KANK1: variants seen among roughly 807,000 people sequenced by gnomAD.
KANK1 encodes the protein KN motif and ankyrin repeat domain-containing protein 1.
KANK1 carries 109 observed loss-of-function variants against 106.2 expected under a neutral mutation model. The observed-to-expected ratio is 1.03, with a 90% CI of 0.88 to 1.20. KANK1 has a LOEUF of 1.20. KANK1 is among the 50% of genes most tolerant of loss of function. KANK1 has a pLI of 0.00. For synonymous variants in KANK1, 873 were observed against 652.2 expected (o/e 1.34, Z -5.16); for missense variants, 2,399 against 1,710.7 (o/e 1.40, Z -7.10).
At chr9:487,648 G>A (rs2058315562) in intron 3 of KANK1, 1 of 152,166 alleles carries the variant, frequency 6.6e-6, no homozygotes, top group South Asian at 2.1e-4. Context: ...AAATCAATGA[G>A]TCATCAATAG....
chr9:505,680 T>C (rs528580675), intron 1 of KANK1, among the ~76,000 whole-genome samples: 91 of 152,304 alleles, frequency 6.0e-4, no homozygotes, highest in African/African-American at 2.1e-3. Flanking sequence ...GTTAACAATT[T>C]ATGGCGTCCG....
At chr9:581,830 C>G (rs1339633518) in intron 1 of KANK1, among the ~76,000 whole-genome samples, 1 of 152,110 alleles carries the variant, frequency 6.6e-6, no homozygotes, top group African/African-American at 2.4e-5. Flanking sequence ...AGGGAGGGTG[C>G]TTTGTCAGCA....
chr9:497,789 G>T (rs1209560782), intron 3 of KANK1, among the ~76,000 whole-genome samples: 1 of 151,774 alleles, frequency 6.6e-6, no homozygotes, highest in Non-Finnish European at 1.5e-5. Flanking sequence ...GGAGGTCAAG[G>T]GTGCAGTGAG....
At chr9:577,820 G>C (rs1021261525) in intron 1 of KANK1, among the ~76,000 whole-genome samples, 1 of 152,202 alleles carries the variant, frequency 6.6e-6, no homozygotes, top group African/African-American at 2.4e-5. Context: ...TTACGCATGA[G>C]AAGTAGGATT....
chr9:553,429 G>A (rs1415049694), intron 1 of KANK1, among the ~76,000 whole-genome samples: 4 of 152,136 alleles, frequency 2.6e-5, no homozygotes, highest in Non-Finnish European at 5.9e-5. Context: ...GGGAAACTGA[G>A]GCTTAAAGTG....
intron 1 of KANK1, among the ~76,000 whole-genome samples, chr9:513,026 T>G (rs892909244): frequency 6.6e-6 from 1 of 152,216 alleles, no homozygotes; most frequent in Non-Finnish European, 1.5e-5. Flanking sequence ...GGGAGGGACA[T>G]GGCAGAAAAG....
At chr9:692,100 A>AAT (rs1461851922) in intron 2 of KANK1, among the ~76,000 whole-genome samples, 1 of 69,418 alleles carries the variant, frequency 1.4e-5, no homozygotes, top group Non-Finnish European at 3.6e-5. Flanking sequence ...TAAAATTCAA[A>AAT]ACGGGACAGC....
At position 483,409 on chromosome 9, in the gene KANK1, G is replaced by C. The variant is rs183793146; in HGVS notation, c.-362+10136G>C. ...AATCAAACATTGGAATGCTAGAGGAGCTTCCCAGATGATCCTAATGTGTAG... is the reference window on the plus strand; with the variant it reads ...AATCAAACATTGGAATGCTAGAGGACCTTCCCAGATGATCCTAATGTGTAG... On this transcript the variant is annotated intron_variant, in intron 3 of 15. Coordinates refer to the KANK1 transcript ENST00000382303. Among the ~76,000 whole-genome samples, 5 of 152,300 alleles carry C rather than the reference G, an allele frequency of 3.3e-5. No individual in the cohort carries two copies. In the East Asian group the frequency reaches 9.6e-4, roughly 29 times the overall value.
At position 732,490 on chromosome 9, in the gene KANK1, G is replaced by GAGC. The variant is rs1564107319; in HGVS notation, c.3119_3120insGCA (p.Asp1040delinsGluHis). 1 of 1,614,116 alleles carries GAGC rather than the reference G, an allele frequency of 6.2e-7. No homozygotes were observed. Among genetic ancestry groups the GAGC allele is most frequent in the Non-Finnish European group, 8.5e-7 (1 of 1,180,024 alleles). On this transcript the variant is annotated protein_altering_variant, in exon 6 of 12. Transcript: ENST00000382297. ...TCTTGAAGAAGAGGAGGAGGAGGAG[G>GAGC]ATGAAGACACTCGGGGAATGGCAGA...
chr9:623,793 G>C (rs964257379), intron 1 of KANK1, among the ~76,000 whole-genome samples: 11 of 152,012 alleles, frequency 7.2e-5, no homozygotes, highest in African/African-American at 2.7e-4. Context: ...ACGCTATTAG[G>C]GTGAAAATTG....
At chr9:519,014 C>T (rs1210702165) in intron 1 of KANK1, among the ~76,000 whole-genome samples, 3 of 151,592 alleles carry the variant, frequency 2.0e-5, no homozygotes, top group East Asian at 1.9e-4. Flanking sequence ...CCTCAGCCTC[C>T]CGAGTAGCTG....
intron 1 of KANK1, among the ~76,000 whole-genome samples, chr9:666,999 AAT>A (rs1491435308): frequency 9.0e-5 from 3 of 33,314 alleles, no homozygotes; most frequent in African/African-American, 2.5e-4. Context: ...CTTCCTCTTC[AAT>A]TTTTTTTTTT....
chr9:730,235 C>T lies in KANK1; in HGVS notation c.2883C>T (p.Ala961=), dbSNP rs560646002. ...SPVNLTDDQI[A]AGLYACTNNE... ...TGAACCTGACAGACGACCAGATCGC[C>T]GCTGGCCTCTATGGTAACTTTTCTC... is the stretch of plus-strand genomic sequence containing the variant. The change falls in exon 4 of 12, where the codon GCC becomes GCT. Residue 961 remains alanine (A), a synonymous_variant. Transcript: ENST00000382297. 94 of 1,614,168 alleles carry T rather than the reference C, an allele frequency of 5.8e-5. No homozygotes were observed. The highest frequency in any genetic ancestry group is 6.7e-5 in the East Asian group (3 of 44,880).
At chr9:488,476 C>T (rs1341987660) in intron 3 of KANK1, among the ~76,000 whole-genome samples, 2 of 152,198 alleles carry the variant, frequency 1.3e-5, no homozygotes, top group Admixed American at 1.3e-4. Context: ...CTTATTCTAA[C>T]TTGGAGACAA....
intron 1 of KANK1, among the ~76,000 whole-genome samples, chr9:672,920 G>A (rs16922302): frequency 6.6e-6 from 1 of 152,062 alleles, no homozygotes; most frequent in East Asian, 1.9e-4. Context: ...GGAGAACTAA[G>A]CCACCATTGT....
At chr9:700,085 T>G (rs1320775846) in intron 2 of KANK1, among the ~76,000 whole-genome samples, 1 of 152,234 alleles carries the variant, frequency 6.6e-6, no homozygotes, top group African/African-American at 2.4e-5. Flanking sequence ...GAGAAGCATT[T>G]CAGGCTTCTT....
In KANK1 at chr9:669,783, T is replaced by C. The variant is rs986528892; in HGVS notation, c.-83-7107T>C. ...TATTTTTCTCATATTTTGGAAAGTT[T>C]TCTGTTATTATTTATTGAGTAAGCT... On this transcript the variant is annotated intron_variant, in intron 1 of 11. Coordinates refer to ENST00000382297, the MANE Select transcript of KANK1 (RefSeq NM_015158.5). 4.5e-4 allele frequency among the ~76,000 whole-genome samples: 68 copies of C among 152,166 alleles called. 1 individual carries two copies. The highest frequency in any genetic ancestry group is 1.6e-3 in the African/African-American group (68 of 41,440).
At chr9:628,814 CA>C (rs1446525663) in intron 1 of KANK1, among the ~76,000 whole-genome samples, 1 of 152,090 alleles carries the variant, frequency 6.6e-6, no homozygotes, top group African/African-American at 2.4e-5. Flanking sequence ...CATGGTGGCT[CA>C]CTCCTGTAAT....
chr9:635,205 A>G (rs1836794325), intron 1 of KANK1, among the ~76,000 whole-genome samples: 1 of 152,038 alleles, frequency 6.6e-6, no homozygotes, highest in African/African-American at 2.4e-5. Context: ...TGGTGACCCT[A>G]AAAAGTCTGT....
Sources: allele counts gnomAD v4.1 joint callset (sites outside exome capture counted in the v4.1 genomes callset), GRCh38; gene constraint gnomAD v4.1.1; transcripts MANE v1.5; gene names NCBI Gene and HGNC (gene_info 2026-07-23, HGNC 2026-07-21).